DNAH9: variants seen among roughly 807,000 people sequenced by gnomAD.
DNAH9 encodes DNAH9 variant protein.
Under a neutral mutation model 471.6 loss-of-function variants are expected in DNAH9, and 345 were observed. The ratio of observed to expected loss-of-function variants is 0.73; its 90% CI spans 0.67 to 0.80. The LOEUF is 0.80. DNAH9 is among the 30% of genes least tolerant of loss of function. DNAH9 has a pLI of 0.00. For synonymous variants in DNAH9, 2,093 were observed against 2,123.6 expected, an observed-to-expected ratio of 0.99 and a Z score of 0.40; for missense variants, 5,407 against 5,609.2, an observed-to-expected ratio of 0.96 and a Z score of 1.15.
intron 50 of DNAH9, among the ~76,000 whole-genome samples, chr17:11,860,046 GA>G (rs1210481387): frequency 1.3e-5 from 2 of 152,152 alleles, no homozygotes; most frequent in Admixed American, 6.5e-5. Context: ...CCAAAACTGA[GA>G]ATACATTCTC....
intron 10 of DNAH9, 26 bp downstream of exon 10, chr17:11,640,410 G>A: frequency 4.2e-6 from 6 of 1,433,300 alleles, no homozygotes; most frequent in Non-Finnish European, 5.9e-6. Flanking sequence ...CTGAAAGACA[G>A]GCTTGTCTTG....
intron 4 of DNAH9, among the ~76,000 whole-genome samples, chr17:11,615,062 T>C (rs923844941): frequency 6.6e-6 from 1 of 152,160 alleles, no homozygotes; most frequent in South Asian, 2.1e-4. Context: ...GGCTGCTATA[T>C]GCATTGTTTT....
intron 14 of DNAH9, among the ~76,000 whole-genome samples, chr17:11,653,420 G>A (rs193258424): frequency 6.2e-4 from 95 of 152,274 alleles, no homozygotes; most frequent in Middle Eastern, 6.8e-3. Flanking sequence ...AAAGACTACC[G>A]TGGTATCCCT....
At position 11,810,342 on chromosome 17, in the gene DNAH9, G is replaced by A; in HGVS notation, c.8680G>A (p.Val2894Met). The change falls in exon 45 of 69, where the codon GTG becomes ATG. Residue 2894 changes from valine (V) to methionine (M), a missense_variant. Coordinates refer to ENST00000262442, the MANE Select transcript of DNAH9 (RefSeq NM_001372.4). ...CCAAGTGGCTGATGAGAGGTTCCTT[G>A]TGCTCATCAATGATCTTTTGGCATC... ...DAQVADERFL[V>M]LINDLLASGE... 1 of 1,613,192 alleles carries A rather than the reference G, an allele frequency of 6.2e-7. No homozygotes were observed. Among genetic ancestry groups the A allele is most frequent in the Non-Finnish European group, 8.5e-7 (1 of 1,179,728 alleles).
Position 11,664,855 on chromosome 17 carries a change from CAG to C in DNAH9, c.2620_2621del (p.Asp874ProfsTer11). On this transcript the variant is annotated frameshift_variant, in exon 15 of 69. Transcript: ENST00000262442. LOFTEE classifies it high-confidence loss of function. ...TAGGAAAACCTGGGTCTATTTTCAG[CAG>C]ACCCAACCTCCAATATCTGGAAGAC... The C allele has an allele frequency of 6.2e-7, 1 of 1,612,556 alleles. No homozygotes were observed. The highest frequency in any genetic ancestry group is 8.5e-7 in the Non-Finnish European group (1 of 1,178,814).
chr17:11,843,841 T>TTGTGTGTGTGTGTGTG (rs370150805), intron 49 of DNAH9, among the ~76,000 whole-genome samples: 1 of 69,860 alleles, frequency 1.4e-5, no homozygotes. Flanking sequence ...GTATATGTGT[T>TTGTGTGTGTGTGTGTG]TGTGTGTGTG....
At chr17:11,923,527 G>T (rs1326472354) in intron 61 of DNAH9, among the ~76,000 whole-genome samples, 1 of 151,888 alleles carries the variant, frequency 6.6e-6, no homozygotes, top group Non-Finnish European at 1.5e-5. Context: ...TAGCCAGGAT[G>T]GTCTCGATCT....
In DNAH9 at chr17:11,680,869, C is replaced by A; in HGVS notation, c.3723C>A (p.Phe1241Leu). The A allele has an allele frequency of 6.2e-7, 1 of 1,612,204 alleles. No homozygotes were observed. ...DAEQQQFWEQFHKEAPFRFDS... is the reference protein window; with the variant it reads ...DAEQQQFWEQLHKEAPFRFDS... ...AACAGCAGCAATTCTGGGAGCAATT[C>A]CACAAAGAAGCCCCGTTCAGGTATG... is the stretch of plus-strand genomic sequence containing the variant. Residue 1241 changes from phenylalanine to leucine, a missense_variant, in exon 19 of 69, where the codon TTC becomes TTA. Phe to Leu is a conservative substitution (Grantham distance 22, BLOSUM62 0). Coordinates refer to ENST00000262442, the MANE Select transcript of DNAH9 (RefSeq NM_001372.4).
intron 51 of DNAH9, 50 bp downstream of exon 51, chr17:11,869,303 T>C (rs757122254): frequency 8.9e-5 from 142 of 1,601,890 alleles, no homozygotes; most frequent in Non-Finnish European, 1.2e-4. Context: ...AGCAGGCTTG[T>C]CAAATGCCGT....
chr17:11,883,678 C>A lies in DNAH9; in HGVS notation c.10899C>A (p.Asn3633Lys). 1 of 1,614,176 alleles carries A rather than the reference C, an allele frequency of 6.2e-7. No homozygotes were observed. The highest frequency in any genetic ancestry group is 8.5e-7 in the Non-Finnish European group (1 of 1,180,018). ...LLSRLSSASG[N>K]FLGETVLVEN... is the part of the protein sequence containing the mutation. ...CTCGCCTCTCCTCCGCCTCTGGGAA[C>A]TTCCTGGGAGAAACAGTGCTGGTGG... Residue 3633 changes from asparagine (N) to lysine (K), a missense_variant, in exon 56 of 69, where the codon AAC becomes AAA. Asn to Lys is a moderately conservative substitution (Grantham distance 94). Around this residue, in one of 3 missense-constraint regions of DNAH9, gnomAD observed 4,636 missense variants for 4,900.3 expected, o/e 0.95. Transcript: ENST00000262442.
At chr17:11,901,664 C>T (rs1973420663) in intron 59 of DNAH9, among the ~76,000 whole-genome samples, 1 of 152,152 alleles carries the variant, frequency 6.6e-6, no homozygotes, top group Non-Finnish European at 1.5e-5. Flanking sequence ...CCACTGCGCT[C>T]CAGCCTGGGC....
At chr17:11,704,522 C>G (rs796485762) in intron 25 of DNAH9, 80 bp downstream of exon 25, 1 of 1,489,668 alleles carries the variant, frequency 6.7e-7, no homozygotes, top group East Asian at 2.3e-5. Context: ...AATATGGGGG[C>G]CCCAGGGTCT....
In DNAH9 at chr17:11,948,224, C is replaced by CTTTTTTTTT. The variant is rs1211322234; in HGVS notation, c.12843+5754_12843+5762dup. On this transcript the variant is annotated intron_variant, in intron 67 of 68. Coordinates refer to ENST00000262442, the MANE Select transcript of DNAH9 (RefSeq NM_001372.4). Reference sequence around the variant, plus strand: ...TGCTGACTGGGGATCTAATCTGGCTCTTTTTTTTTTTTTTTTTTTTTTTGA... The same window carrying CTTTTTTTTT: ...TGCTGACTGGGGATCTAATCTGGCTCTTTTTTTTTTTTTTTTTTTTTTTTTTTTTTTTGA... Among the ~76,000 whole-genome samples, 5 of 86,748 alleles carry CTTTTTTTTT rather than the reference C, an allele frequency of 5.8e-5. 1 individual carries two copies. The highest frequency in any genetic ancestry group is 2.6e-4 in the African/African-American group (5 of 19,032). 56.9% of individuals were successfully genotyped at this position (86,748 alleles called of 152,430 possible).
intron 26 of DNAH9, 26 bp downstream of exon 26, chr17:11,705,211 A>C: frequency 6.2e-7 from 1 of 1,610,778 alleles, no homozygotes; most frequent in Non-Finnish European, 8.5e-7. Flanking sequence ...AACCACTGAC[A>C]GCCTTACTGC....
chr17:11,741,024 A>G (rs1329030690), intron 29 of DNAH9, among the ~76,000 whole-genome samples: 1 of 152,028 alleles, frequency 6.6e-6, no homozygotes, highest in African/African-American at 2.4e-5. Context: ...ACTATTTTTC[A>G]TGGCTGCATA....
chr17:11,923,374 C>T (rs1170123032), intron 61 of DNAH9, among the ~76,000 whole-genome samples: 1 of 150,050 alleles, frequency 6.7e-6, no homozygotes, highest in African/African-American at 2.5e-5. Context: ...GCCAGTGGCG[C>T]AATCTCGGCT....
chr17:11,906,900 G>A (rs1973620914), intron 61 of DNAH9, among the ~76,000 whole-genome samples: 1 of 152,094 alleles, frequency 6.6e-6, no homozygotes, highest in Admixed American at 6.6e-5. Context: ...AGGAGGAATA[G>A]CTTAATGGAT....
intron 10 of DNAH9, among the ~76,000 whole-genome samples, chr17:11,641,477 T>G (rs926180654): frequency 7.2e-5 from 11 of 152,028 alleles, no homozygotes; most frequent in Admixed American, 2.6e-4. Flanking sequence ...GGCGAGATCT[T>G]TATTTTCAGA....
At position 11,617,513 on chromosome 17, in the gene DNAH9, G is replaced by A. The variant is rs756079633; in HGVS notation, c.1007G>A (p.Arg336Gln). Residue 336 changes from arginine to glutamine, a missense_variant, in exon 5 of 69, where the codon CGG becomes CAG. By Grantham distance (43) the Arg-to-Gln change is conservative. Transcript: ENST00000262442. ...AEFPEVKPQLRPLLHVVCLIW... is the reference protein window; with the variant it reads ...AEFPEVKPQLQPLLHVVCLIW... ...TTTCCGGAGGTGAAGCCCCAGCTGC[G>A]GCCCCTGCTCCACGTGGTCTGTCTG... 28 of 1,613,984 alleles carry A rather than the reference G, an allele frequency of 1.7e-5. No homozygotes were observed. Among genetic ancestry groups the A allele is most frequent in the South Asian group, 8.8e-5 (8 of 91,082 alleles).
Sources: gnomAD v4.1 joint callset for allele counts (sites outside exome capture counted in the v4.1 genomes callset) on GRCh38, gnomAD v4.1.1 for gene constraint, gnomAD v4.1.1 regional missense constraint, MANE v1.5 for transcripts, NCBI Gene and HGNC (gene_info 2026-07-23, HGNC 2026-07-21) for gene names.